Variants in JAKMIP2 observed in about 807,000 individuals in gnomAD.
The protein encoded by JAKMIP2 is janus kinase and microtubule-interacting protein 2.
Under a neutral mutation model 115.0 loss-of-function variants are expected in JAKMIP2, and 25 were observed. The ratio of observed to expected loss-of-function variants is 0.22; its 90% CI spans 0.16 to 0.30. The LOEUF (loss-of-function observed/expected upper bound fraction) is 0.30, where lower values mean the gene tolerates loss of function less well. Among genes scored for constraint, JAKMIP2 ranks in the 10% least tolerant of loss-of-function variants. JAKMIP2 has a pLI of 1.00. For missense variants in JAKMIP2, 642 were observed against 957.6 expected, an observed-to-expected ratio of 0.67 and a Z score of 4.35; for synonymous variants, 334 against 343.6, an observed-to-expected ratio of 0.97 and a Z score of 0.31.
chr5:147,677,890 C>T (rs1236066014), intron 1 of JAKMIP2, among the ~76,000 whole-genome samples: 1 of 152,152 alleles, frequency 6.6e-6, no homozygotes, highest in African/African-American at 2.4e-5. Flanking sequence ...ATTAACTATA[C>T]TCACCATGTT....
intron 3 of JAKMIP2, among the ~76,000 whole-genome samples, chr5:147,652,656 G>A (rs1057044889): frequency 9.2e-5 from 14 of 152,132 alleles, no homozygotes; most frequent in Non-Finnish European, 1.9e-4. Flanking sequence ...TGCAGTTTGT[G>A]AACTACTCAT....
At chr5:147,671,445 C>T (rs1335813878) in intron 2 of JAKMIP2, among the ~76,000 whole-genome samples, 1 of 152,216 alleles carries the variant, frequency 6.6e-6, no homozygotes, top group Non-Finnish European at 1.5e-5. Flanking sequence ...ACCGGGCTTC[C>T]AGAGGAGGCT....
chr5:147,588,440 A>T lies in JAKMIP2; in HGVS notation c.*3267T>A, dbSNP rs1278649379. 4.0e-5 allele frequency: 6 copies of T among 149,078 alleles called. No homozygotes were observed. Among genetic ancestry groups the T allele is most frequent in the African/African-American group, 1.5e-4 (6 of 40,376 alleles). 9.2% of individuals were successfully genotyped at this position (149,078 alleles called of 1,614,324 possible). ...TTTTTTTTTTTTGCTATTGCTGAAC[A>T]TCCCATCCAAGGGAAGCATTCATTT... On this transcript the variant is annotated 3_prime_UTR_variant, in exon 22 of 22. Coordinates refer to ENST00000616793, the MANE Select transcript of JAKMIP2 (RefSeq NM_001270941.2).
intron 1 of JAKMIP2, among the ~76,000 whole-genome samples, chr5:147,773,914 T>C (rs774392973): frequency 5.9e-5 from 9 of 152,122 alleles, no homozygotes; most frequent in African/African-American, 1.7e-4. Flanking sequence ...GTGAAATTGA[T>C]TGGGGGAAGG....
intron 1 of JAKMIP2, among the ~76,000 whole-genome samples, chr5:147,735,065 G>T (rs972410019): frequency 6.6e-6 from 1 of 152,120 alleles, no homozygotes; most frequent in Admixed American, 6.5e-5. Flanking sequence ...GTATTCCTGC[G>T]ATCTGCATAT....
intron 2 of JAKMIP2, among the ~76,000 whole-genome samples, chr5:147,667,540 A>G (rs938197616): frequency 5.3e-5 from 8 of 152,202 alleles, no homozygotes; most frequent in African/African-American, 1.7e-4. Flanking sequence ...AGCTAAGCTA[A>G]CATAAACTTT....
intron 1 of JAKMIP2, among the ~76,000 whole-genome samples, chr5:147,760,856 G>A (rs1156332217): frequency 6.6e-6 from 1 of 152,062 alleles, no homozygotes; most frequent in Non-Finnish European, 1.5e-5. Context: ...ATAATTGCAG[G>A]AGGAAAGACC....
chr5:147,766,071 T>G (rs1195222734), intron 1 of JAKMIP2, among the ~76,000 whole-genome samples: 1 of 152,170 alleles, frequency 6.6e-6, no homozygotes, highest in Non-Finnish European at 1.5e-5. Context: ...GCATCTGCTA[T>G]TCCCTCACCC....
At chr5:147,703,092 T>C (rs992012797) in intron 1 of JAKMIP2, among the ~76,000 whole-genome samples, 4 of 152,246 alleles carry the variant, frequency 2.6e-5, no homozygotes, top group African/African-American at 9.6e-5. Flanking sequence ...ACTTTTCTTC[T>C]CTCAAGAAGA....
At position 147,636,225 on chromosome 5, in the gene JAKMIP2, T is replaced by C; in HGVS notation, c.1674A>G (p.Glu558=). ...LFIKRNQELL[E]KIEKQEAENH... The stretch of plus-strand genomic sequence containing the variant: ...TAGGGTGTTGTGCCCAACATACCTT[T>C]TCTAAAAGCTCCTGGTTTCTCTTAA... The change falls in exon 12 of 22, where the codon GAA becomes GAG. Residue 558 remains glutamate, a synonymous_variant. Transcript: ENST00000616793. 6.2e-7 allele frequency: 1 copy of C among 1,613,292 alleles called. No homozygotes were observed. The highest frequency in any genetic ancestry group is 1.1e-5 in the South Asian group (1 of 91,044).
intron 1 of JAKMIP2, among the ~76,000 whole-genome samples, chr5:147,724,932 T>C (rs946187378): frequency 1.3e-5 from 2 of 152,150 alleles, no homozygotes; most frequent in African/African-American, 4.8e-5. Context: ...CCTACTGGAC[T>C]GCATTCCCAG....
intron 3 of JAKMIP2, among the ~76,000 whole-genome samples, chr5:147,659,067 TG>T (rs1433584044): frequency 1.3e-5 from 2 of 150,370 alleles, no homozygotes; most frequent in African/African-American, 4.9e-5. Flanking sequence ...CCTGACTCAT[TG>T]GAGTTCCAGG....
At chr5:147,633,670 G>T (rs1327662257) in intron 12 of JAKMIP2, among the ~76,000 whole-genome samples, 1 of 151,718 alleles carries the variant, frequency 6.6e-6, no homozygotes, top group Non-Finnish European at 1.5e-5. Context: ...CTGTAGACAG[G>T]GTTCATGTCT....
intron 1 of JAKMIP2, among the ~76,000 whole-genome samples, chr5:147,750,561 T>TACACACACACACACAC (rs151015424): frequency 0.036 from 5,153 of 142,734 alleles, 118 homozygotes; most frequent in Admixed American, 0.068. Flanking sequence ...TGCCAGAAAA[T>TACACACACACACACAC]ACACACACAC....
At chr5:147,660,748 A>G (rs1053697261) in intron 3 of JAKMIP2, 200 bp downstream of exon 3, 1 of 595,650 alleles carries the variant, frequency 1.7e-6, no homozygotes, top group Non-Finnish European at 2.9e-6. Context: ...ACACTTTACA[A>G]TTTCAATTTT....
intron 20 of JAKMIP2, among the ~76,000 whole-genome samples, chr5:147,611,683 T>C (rs934018591): frequency 6.6e-6 from 1 of 152,192 alleles, no homozygotes; most frequent in African/African-American, 2.4e-5. Context: ...TGCAAGCCTG[T>C]GTAGCTCGCT....
Position 147,764,964 on chromosome 5 carries a change from G to A in JAKMIP2, c.-149+17492C>T, listed in dbSNP as rs1020424473. Reference sequence around the variant, plus strand: ...AGAGAGAGGGAGAGAGAGAGAGAGAGAGGGGGAGAGAGAGAGAGAGAGAGA... The same window carrying A: ...AGAGAGAGGGAGAGAGAGAGAGAGAAAGGGGGAGAGAGAGAGAGAGAGAGA... On this transcript the variant is annotated intron_variant, in intron 1 of 21. Transcript: ENST00000616793. Among the ~76,000 whole-genome samples the A allele has an allele frequency of 0.011, 679 of 61,536 alleles. 88 individuals are homozygous for A. In the East Asian group the frequency reaches 0.12, roughly 11 times the overall value. 40.4% of individuals were successfully genotyped at this position (61,536 alleles called of 152,430 possible).
At chr5:147,693,703 G>A (rs1011089551) in intron 1 of JAKMIP2, among the ~76,000 whole-genome samples, 1 of 152,024 alleles carries the variant, frequency 6.6e-6, no homozygotes. Context: ...TCTTTTGAAA[G>A]CATTAATTTA....
At chr5:147,769,786 C>G (rs1378746330) in intron 1 of JAKMIP2, among the ~76,000 whole-genome samples, 1 of 151,200 alleles carries the variant, frequency 6.6e-6, no homozygotes, top group Admixed American at 6.6e-5. Flanking sequence ...TAGGGCTCAG[C>G]AGAAACACTG....
Sources: gnomAD v4.1 joint callset for allele counts (sites outside exome capture counted in the v4.1 genomes callset) on GRCh38, gnomAD v4.1.1 for gene constraint, MANE v1.5 for transcripts, NCBI Gene and HGNC (gene_info 2026-07-23, HGNC 2026-07-21) for gene names.